MARCHF4: variants seen among roughly 807,000 people sequenced by gnomAD.
MARCHF4 encodes the protein E3 ubiquitin-protein ligase MARCHF4.
MARCHF4 carries 14 observed loss-of-function variants against 43.9 expected under a neutral mutation model. The ratio of observed to expected loss-of-function variants is 0.32; its 90% CI spans 0.21 to 0.50. MARCHF4 has a LOEUF of 0.50. Ranked by LOEUF, MARCHF4 falls within the 20% of genes least tolerant of loss-of-function variation. The pLI is 0.98. For missense variants in MARCHF4, 468 were observed against 536.7 expected (o/e 0.87, Z 1.27); for synonymous variants, 226 against 213.3 (o/e 1.06, Z -0.52).
chr2:216,347,741 A>C (rs1692343383), intron 1 of MARCHF4, among the ~76,000 whole-genome samples: 1 of 151,990 alleles, frequency 6.6e-6, no homozygotes, highest in Non-Finnish European at 1.5e-5. Flanking sequence ...AAAAAGGGGA[A>C]AAAAAAGAAA....
intron 1 of MARCHF4, among the ~76,000 whole-genome samples, chr2:216,365,534 A>G (rs747395857): frequency 4.6e-5 from 7 of 152,212 alleles, no homozygotes; most frequent in Non-Finnish European, 1.0e-4. Flanking sequence ...AAAATCCACC[A>G]TGGCAGTCAG....
At chr2:216,283,879 C>T in intron 1 of MARCHF4, 150 bp from the exon 2 acceptor site, 1 of 812,078 alleles carries the variant, frequency 1.2e-6, no homozygotes, top group Non-Finnish European at 1.9e-6. Flanking sequence ...ATGGAGGAGG[C>T]CTGGGCTCCT....
intron 1 of MARCHF4, among the ~76,000 whole-genome samples, chr2:216,311,260 T>TG (rs796590457): frequency 4.0e-5 from 6 of 151,888 alleles, no homozygotes; most frequent in African/African-American, 7.2e-5. Context: ...TTTTTTTGGG[T>TG]GGGGGGGATC....
intron 1 of MARCHF4, among the ~76,000 whole-genome samples, chr2:216,290,610 C>T (rs1245483322): frequency 6.6e-6 from 1 of 152,094 alleles, no homozygotes; most frequent in Non-Finnish European, 1.5e-5. Flanking sequence ...CTATTGTAAA[C>T]AGACTGGAGG....
At chr2:216,367,717 A>AC (rs1692687927) in intron 1 of MARCHF4, among the ~76,000 whole-genome samples, 1 of 152,196 alleles carries the variant, frequency 6.6e-6, no homozygotes, top group African/African-American at 2.4e-5. Flanking sequence ...TATTTATGAC[A>AC]CCCCATCAAA....
rs184846847 is a variant in MARCHF4 at position 216,307,027 on chromosome 2, G to A, written c.517-23298C>T. Among the ~76,000 whole-genome samples, 1,332 of 151,840 alleles carry A rather than the reference G, an allele frequency of 8.8e-3. 16 individuals carry two copies. Among genetic ancestry groups the A allele is most frequent in the Admixed American group, 0.022 (338 of 15,234 alleles). Reference sequence around the variant, plus strand: ...ACATCCCCTTTGTGCTCCCAATAAAGCACAACAGACTGCCACTGTGCTCCA... The same window carrying A: ...ACATCCCCTTTGTGCTCCCAATAAAACACAACAGACTGCCACTGTGCTCCA... On this transcript the variant is annotated intron_variant, in intron 1 of 3. Transcript: ENST00000273067.
chr2:216,350,376 TG>T (rs1220043704), intron 1 of MARCHF4, among the ~76,000 whole-genome samples: 1 of 132,778 alleles, frequency 7.5e-6, no homozygotes. Context: ...TCCCTCACTA[TG>T]CCACATCCCT....
At chr2:216,329,338 G>A (rs906241062) in intron 1 of MARCHF4, among the ~76,000 whole-genome samples, 2 of 152,142 alleles carry the variant, frequency 1.3e-5, no homozygotes, top group Admixed American at 1.3e-4. Context: ...CCGAGATGGC[G>A]CCACTGGACT....
intron 1 of MARCHF4, among the ~76,000 whole-genome samples, chr2:216,327,643 G>C (rs1297053336): frequency 2.6e-5 from 4 of 152,188 alleles, no homozygotes; most frequent in African/African-American, 9.7e-5. Flanking sequence ...GCTTTTAAAT[G>C]GGTAATAACC....
chr2:216,276,058 T>C (rs2105937117), intron 3 of MARCHF4, among the ~76,000 whole-genome samples: 1 of 152,314 alleles, frequency 6.6e-6, no homozygotes, highest in East Asian at 1.9e-4. Context: ...CAATGTTTGT[T>C]GTAAGGCACT....
intron 1 of MARCHF4, among the ~76,000 whole-genome samples, chr2:216,315,693 T>C (rs1691762349): frequency 6.6e-6 from 1 of 152,228 alleles, no homozygotes; most frequent in African/African-American, 2.4e-5. Flanking sequence ...TATATATGCA[T>C]AGAAATGTCC....
intron 1 of MARCHF4, 147 bp from the exon 2 acceptor site, chr2:216,283,876 A>T: frequency 1.6e-5 from 13 of 832,272 alleles, no homozygotes; most frequent in Middle Eastern, 3.8e-4. Flanking sequence ...TCCATGGAGG[A>T]GGCCTGGGCT....
intron 1 of MARCHF4, among the ~76,000 whole-genome samples, chr2:216,340,863 T>C (rs980952902): frequency 6.6e-6 from 1 of 152,172 alleles, no homozygotes; most frequent in Non-Finnish European, 1.5e-5. Context: ...CCCAGTCTAC[T>C]CAGTGATATG....
chr2:216,349,640 A>G (rs1372914184), intron 1 of MARCHF4, among the ~76,000 whole-genome samples: 1 of 152,146 alleles, frequency 6.6e-6, no homozygotes, highest in East Asian at 1.9e-4. Flanking sequence ...TGGAATGGTG[A>G]TGGAAAAGAG....
rs16855912 is a variant in MARCHF4 at position 216,322,250 on chromosome 2, G to A, written c.517-38521C>T. Among the ~76,000 whole-genome samples, 1,120 of 152,300 alleles carry A rather than the reference G, an allele frequency of 7.4e-3. 10 individuals carry two copies. Among genetic ancestry groups the A allele is most frequent in the African/African-American group, 0.026 (1,062 of 41,562 alleles). On this transcript the variant is annotated intron_variant, in intron 1 of 3. Coordinates refer to ENST00000273067, the MANE Select transcript of MARCHF4 (RefSeq NM_020814.3). The stretch of plus-strand genomic sequence containing the variant: ...CCAGGAGATAATGAAAAAGCAAGAG[G>A]TGGACCTCAAGTCATTAGGAGAGAA...
At chr2:216,337,862 A>T (rs1233596686) in intron 1 of MARCHF4, among the ~76,000 whole-genome samples, 1 of 152,170 alleles carries the variant, frequency 6.6e-6, no homozygotes, top group Non-Finnish European at 1.5e-5. Context: ...CTAACTGTTG[A>T]GTGGCAGGCA....
chr2:216,287,320 G>T (rs923760661), intron 1 of MARCHF4, among the ~76,000 whole-genome samples: 2 of 152,130 alleles, frequency 1.3e-5, no homozygotes, highest in Non-Finnish European at 2.9e-5. Flanking sequence ...AAGCCCCTCT[G>T]GTCCAGCTAC....
chr2:216,307,109 C>A (rs1482384922), intron 1 of MARCHF4, among the ~76,000 whole-genome samples: 1 of 152,138 alleles, frequency 6.6e-6, no homozygotes, highest in Non-Finnish European at 1.5e-5. Flanking sequence ...GTAGGTGAGT[C>A]CCACAGCGGC....
intron 3 of MARCHF4, among the ~76,000 whole-genome samples, chr2:216,274,829 G>A (rs549919432): frequency 6.6e-6 from 1 of 152,162 alleles, no homozygotes; most frequent in South Asian, 2.1e-4. Flanking sequence ...ATGGGAAGAC[G>A]AATCCTTGCC....
Sources: gnomAD v4.1 joint callset for allele counts (sites outside exome capture counted in the v4.1 genomes callset) on GRCh38, gnomAD v4.1.1 for gene constraint, MANE v1.5 for transcripts, NCBI Gene and HGNC (gene_info 2026-07-23, HGNC 2026-07-21) for gene names.